TBX20: variants seen among roughly 807,000 people sequenced by gnomAD.
TBX20 encodes the protein T-box transcription factor TBX20.
Under a neutral mutation model 42.9 loss-of-function variants are expected in TBX20, and 8 were observed. That is an observed-to-expected ratio of 0.19 (90% CI 0.11 to 0.34). The LOEUF is 0.34. TBX20 is among the 10% of genes least tolerant of loss of function. The probability of loss-of-function intolerance (pLI) is 1.00; values close to 1 mark genes in which losing one functional copy is unlikely to be tolerated. For missense variants in TBX20, 411 were observed against 566.0 expected (o/e 0.73, Z 2.78); for synonymous variants, 198 against 222.8 (o/e 0.89, Z 0.99).
At chr7:35,234,322 TAA>T (rs774436101) in intron 5 of TBX20, among the ~76,000 whole-genome samples, 60 of 152,322 alleles carry the variant, frequency 3.9e-4, no homozygotes, top group Admixed American at 7.2e-4. Context: ...TTTCAAAAGA[TAA>T]AGACTATTGG....
At chr7:35,208,300 TG>T (rs960798642) in intron 6 of TBX20, among the ~76,000 whole-genome samples, 1 of 152,218 alleles carries the variant, frequency 6.6e-6, no homozygotes, top group African/African-American at 2.4e-5. Context: ...TTTGTTCTAG[TG>T]GGTTTTGGAG....
intron 6 of TBX20, among the ~76,000 whole-genome samples, chr7:35,217,429 G>A (rs1181671182): frequency 6.6e-6 from 1 of 152,146 alleles, no homozygotes; most frequent in Admixed American, 6.6e-5. Context: ...GACACAGCAA[G>A]AAAAGAAGGA....
chr7:35,221,637 A>G (rs1429331677), intron 6 of TBX20, among the ~76,000 whole-genome samples: 1 of 152,208 alleles, frequency 6.6e-6, no homozygotes, highest in African/African-American at 2.4e-5. Flanking sequence ...TCATGTTCAT[A>G]CATAACGGCA....
intron 6 of TBX20, among the ~76,000 whole-genome samples, chr7:35,227,518 G>C (rs1201452698): frequency 6.6e-6 from 1 of 151,910 alleles, no homozygotes; most frequent in Non-Finnish European, 1.5e-5. Flanking sequence ...CATTACAATT[G>C]CTTACAGTAT....
chr7:35,227,026 G>C lies in TBX20; in HGVS notation c.890+4478C>G, dbSNP rs368365306. On this transcript the variant is annotated intron_variant, in intron 6 of 7. Coordinates refer to ENST00000408931, the MANE Select transcript of TBX20 (RefSeq NM_001077653.2). Reference sequence around the variant, plus strand: ...AGTGATATTGATTATCCTGACCCAGGGTAGGCCTGATGTGTGTGATTATGT... The same window carrying C: ...AGTGATATTGATTATCCTGACCCAGCGTAGGCCTGATGTGTGTGATTATGT... Among the ~76,000 whole-genome samples, 505 of 151,054 alleles carry C rather than the reference G, an allele frequency of 3.3e-3. 3 individuals carry two copies. Among genetic ancestry groups the C allele is most frequent in the African/African-American group, 0.012 (476 of 41,146 alleles).
At chr7:35,246,310 A>C (rs1055567746) in intron 3 of TBX20, among the ~76,000 whole-genome samples, 1 of 152,226 alleles carries the variant, frequency 6.6e-6, no homozygotes, top group African/African-American at 2.4e-5. Context: ...GATTGCTCAC[A>C]GTTGCCTTTC....
At chr7:35,211,670 T>C (rs1318920549) in intron 6 of TBX20, among the ~76,000 whole-genome samples, 2 of 152,264 alleles carry the variant, frequency 1.3e-5, no homozygotes, top group East Asian at 3.9e-4. Flanking sequence ...TTTTGACTTA[T>C]GATATTTTCA....
rs1434256200 is a variant in TBX20, at chr7:35,204,502, A to G, written c.971T>C (p.Leu324Ser). The change falls in exon 7 of 8, where the codon TTG (leucine) becomes TCG (serine). Residue 324 changes from leucine (L) to serine (S), a missense_variant. Physicochemically the swap from Leu to Ser is moderately radical, Grantham distance 145 (BLOSUM62 -2). This residue lies in a region of TBX20 where 162 missense variants were observed against 205.4 expected (regional missense o/e 0.79). Transcript: ENST00000408931. ...TGGGGTTGTCTGACTCTCATCCCCCAAGACATCTTCTTCTCCTCCGTAGGT... is the reference window on the plus strand; with the variant it reads ...TGGGGTTGTCTGACTCTCATCCCCCGAGACATCTTCTTCTCCTCCGTAGGT... Reference protein sequence around the residue: ...IRTYGGEEDVLGDESQTTPNR... With the variant: ...IRTYGGEEDVSGDESQTTPNR... 14 of 1,613,998 alleles carry G rather than the reference A, an allele frequency of 8.7e-6. No homozygotes were observed. In the Admixed American group the frequency reaches 1.7e-4, roughly 19 times the overall value.
intron 5 of TBX20, among the ~76,000 whole-genome samples, chr7:35,237,279 A>G (rs1163594743): frequency 6.6e-6 from 1 of 151,700 alleles, no homozygotes. Flanking sequence ...AGATTTTTCT[A>G]AATTAAAAGT....
At chr7:35,219,327 A>T (rs1325271953) in intron 6 of TBX20, among the ~76,000 whole-genome samples, 1 of 152,248 alleles carries the variant, frequency 6.6e-6, no homozygotes, top group Non-Finnish European at 1.5e-5. Flanking sequence ...CTGTCATTGT[A>T]ACACAAAAAC....
chr7:35,244,610 C>T (rs564420996), intron 4 of TBX20, among the ~76,000 whole-genome samples: 11 of 152,316 alleles, frequency 7.2e-5, no homozygotes, highest in East Asian at 5.8e-4. Flanking sequence ...AAATTAGATG[C>T]TTAACCCAAC....
At chr7:35,208,577 T>C (rs1316436292) in intron 6 of TBX20, among the ~76,000 whole-genome samples, 7 of 151,500 alleles carry the variant, frequency 4.6e-5, no homozygotes, top group African/African-American at 1.7e-4. Flanking sequence ...ACCCCGTCTC[T>C]ACTAAAAATA....
At position 35,211,270 on chromosome 7, in the gene TBX20, A is replaced by G. The variant is rs963767553; in HGVS notation, c.891-6688T>C. Among the ~76,000 whole-genome samples the G allele has an allele frequency of 4.6e-5, 7 of 152,186 alleles. No homozygotes were observed. The East Asian group carries it at 7.7e-4, about 17-fold the overall frequency. On this transcript the variant is annotated intron_variant, in intron 6 of 7. Coordinates refer to ENST00000408931, the MANE Select transcript of TBX20 (RefSeq NM_001077653.2). ...TTAAAAGGTTAACTATCTTCTTAAA[A>G]TATTTAAATAATAAAAAATTAATCT...
intron 6 of TBX20, among the ~76,000 whole-genome samples, chr7:35,208,775 A>G (rs1789445124): frequency 7.3e-6 from 1 of 137,744 alleles, no homozygotes; most frequent in Non-Finnish European, 1.6e-5. Context: ...AAAAAAAAAA[A>G]AAAAAAAGAA....
chr7:35,211,123 C>A (rs1461111550), intron 6 of TBX20, among the ~76,000 whole-genome samples: 1 of 152,054 alleles, frequency 6.6e-6, no homozygotes, highest in African/African-American at 2.4e-5. Context: ...GATACTAAAT[C>A]TTTCAAGTTA....
chr7:35,227,134 T>A (rs1415667576), intron 6 of TBX20, among the ~76,000 whole-genome samples: 1 of 150,772 alleles, frequency 6.6e-6, no homozygotes, highest in South Asian at 2.1e-4. Context: ...AATAAGGATA[T>A]AAAGAAAAAA....
intron 3 of TBX20, among the ~76,000 whole-genome samples, chr7:35,247,807 G>C (rs1461581663): frequency 6.6e-6 from 1 of 152,134 alleles, no homozygotes; most frequent in Non-Finnish European, 1.5e-5. Flanking sequence ...TATGAGGCTG[G>C]GTTTTAAAAT....
chr7:35,235,381 C>T (rs1387390863), intron 5 of TBX20, among the ~76,000 whole-genome samples: 3 of 150,868 alleles, frequency 2.0e-5, no homozygotes, highest in South Asian at 2.1e-4. Context: ...CATTCATGTC[C>T]GAATAGAGGA....
At chr7:35,223,166 A>T (rs1789712185) in intron 6 of TBX20, among the ~76,000 whole-genome samples, 1 of 152,210 alleles carries the variant, frequency 6.6e-6, no homozygotes, top group South Asian at 2.1e-4. Flanking sequence ...AAAGATGACT[A>T]CAAGTTTTTC....
Sources: allele counts gnomAD v4.1 joint callset (sites outside exome capture counted in the v4.1 genomes callset), GRCh38; gene constraint gnomAD v4.1.1; regional missense constraint gnomAD v4.1.1; transcripts MANE v1.5; gene names NCBI Gene and HGNC (gene_info 2026-07-23, HGNC 2026-07-21).